The following SLC14A2 variants were observed in gnomAD, a reference collection of about 807,000 sequenced individuals.
The protein encoded by SLC14A2 is urea transporter 2.
A neutral mutation model predicts 104.6 loss-of-function variants in SLC14A2; 91 were observed. The ratio of observed to expected loss-of-function variants is 0.87; its 90% CI spans 0.73 to 1.04. SLC14A2 has a LOEUF of 1.04. SLC14A2 is among the 50% of genes least tolerant of loss of function. The pLI is 0.00. For synonymous variants in SLC14A2, 476 were observed against 466.4 expected (o/e 1.02, Z -0.27); for missense variants, 1,189 against 1,156.0 (o/e 1.03, Z -0.41).
In SLC14A2 at chr18:45,640,275, TA is replaced by T. The variant is rs879699022; in HGVS notation, c.991+396del. ...TGGGAAATAGAGTGAGACTCCGTCT[TA>T]AAAAAAAAAAAAATACATGTGGAGA... On this transcript the variant is annotated intron_variant, in intron 7 of 19. Coordinates refer to ENST00000255226, the MANE Select transcript of SLC14A2 (RefSeq NM_007163.4). Among the ~76,000 whole-genome samples the T allele has an allele frequency of 7.7e-3, 1,081 of 140,344 alleles. 9 individuals carry two copies. The highest frequency in any genetic ancestry group is 0.015 in the African/African-American group (569 of 38,320). The allele number at this position is 140,344 out of a possible 152,430, so 92.1% of individuals were successfully genotyped here. A position where few individuals can be genotyped will look rare whatever the true frequency, so the allele number is the denominator to read the frequency against.
At chr18:45,576,271 G>GTTTT (rs2044417251) in intron 2 of SLC14A2, among the ~76,000 whole-genome samples, 1 of 95,994 alleles carries the variant, frequency 1.0e-5, no homozygotes, top group Non-Finnish European at 2.3e-5. Flanking sequence ...TGGAGCAGGG[G>GTTTT]CTTTTTTTTT....
intron 2 of SLC14A2, among the ~76,000 whole-genome samples, chr18:45,602,500 C>T (rs1473927299): frequency 6.6e-6 from 1 of 152,182 alleles, no homozygotes; most frequent in Non-Finnish European, 1.5e-5. Flanking sequence ...GCTCTGGCCT[C>T]ACCCCAAGGG....
the SLC14A2 span, among the ~76,000 whole-genome samples, chr18:45,188,206 A>G: frequency 6.6e-6 from 1 of 152,176 alleles, no homozygotes; most frequent in African/African-American, 2.4e-5. Flanking sequence ...ATATAGTTTG[A>G]AGGAAGTATA....
At chr18:45,330,719 T>C (rs2085281693) in intron 1 of SLC14A2, among the ~76,000 whole-genome samples, 1 of 152,164 alleles carries the variant, frequency 6.6e-6, no homozygotes, top group African/African-American at 2.4e-5. Flanking sequence ...ACGCTGTCCC[T>C]CGGGCCATTT....
chr18:45,638,470 T>G (rs1014822077), intron 6 of SLC14A2, among the ~76,000 whole-genome samples: 5 of 152,170 alleles, frequency 3.3e-5, no homozygotes, highest in Non-Finnish European at 7.3e-5. Flanking sequence ...GAAACTAAAT[T>G]ATTCCCAACA....
intron 1 of SLC14A2, among the ~76,000 whole-genome samples, chr18:45,301,056 T>C (rs1179394492): frequency 1.3e-5 from 2 of 152,216 alleles, no homozygotes; most frequent in Non-Finnish European, 2.9e-5. Context: ...ACTTCCTATA[T>C]AAGCAGATCG....
At chr18:45,489,696 C>T (rs1258434672) in intron 2 of SLC14A2, among the ~76,000 whole-genome samples, 1 of 152,070 alleles carries the variant, frequency 6.6e-6, no homozygotes, top group Non-Finnish European at 1.5e-5. Flanking sequence ...ATAATTCTAC[C>T]CTGAACAGAA....
At chr18:45,185,628 TAA>T in the SLC14A2 span, among the ~76,000 whole-genome samples, 1 of 152,130 alleles carries the variant, frequency 6.6e-6, no homozygotes, top group Non-Finnish European at 1.5e-5. Flanking sequence ...AACATTGTCC[TAA>T]AAGTTCTAGC....
the SLC14A2 span, among the ~76,000 whole-genome samples, chr18:45,184,767 T>C: frequency 2.7e-3 from 412 of 152,308 alleles, 4 homozygotes; most frequent in African/African-American, 9.4e-3. Flanking sequence ...CAATAAAAAA[T>C]AGTATTGTTT....
At chr18:45,188,651 C>T in the SLC14A2 span, among the ~76,000 whole-genome samples, 1 of 152,152 alleles carries the variant, frequency 6.6e-6, no homozygotes, top group East Asian at 1.9e-4. Flanking sequence ...CCCAGATTTT[C>T]CTGCTCCTGA....
chr18:45,363,158 A>T (rs1303567514), intron 1 of SLC14A2, among the ~76,000 whole-genome samples: 1 of 152,094 alleles, frequency 6.6e-6, no homozygotes, highest in African/African-American at 2.4e-5. Flanking sequence ...AATACCTTGA[A>T]TAGTCCCTTT....
chr18:45,627,147 G>C lies in SLC14A2; in HGVS notation c.521G>C (p.Arg174Thr), dbSNP rs750569942. 23 of 1,613,608 alleles carry C rather than the reference G, an allele frequency of 1.4e-5. No homozygotes were observed. Among genetic ancestry groups the C allele is most frequent in the Non-Finnish European group, 8.5e-6 (10 of 1,179,658 alleles). Residue 174 changes from arginine to threonine, a missense_variant and splice_region_variant, in exon 4 of 20, where the codon AGG (arginine) becomes ACG (threonine). By Grantham distance (71) the Arg-to-Thr change is moderately conservative. Coordinates refer to ENST00000255226, the MANE Select transcript of SLC14A2 (RefSeq NM_007163.4). The stretch of plus-strand genomic sequence containing the variant: ...ACAGCTCTCGCCTTGGGCCAAGACA[G>C]GTGGGTCCCTCTCTATAGGGATTTT... ...TLTALALGQD[R>T]SAIASGLHGY...
rs115103425 is a variant in SLC14A2, at chr18:45,335,145, G to T, written c.-125+121954G>T. On this transcript the variant is annotated intron_variant, in intron 1 of 20. Transcript: ENST00000586448. The stretch of plus-strand genomic sequence containing the variant: ...CCCCCAAATTATCTTATGCCCCTTT[G>T]TCATCCCTCCTTTCCATCCTTCCTA... 5.4e-3 allele frequency among the ~76,000 whole-genome samples: 819 copies of T among 151,952 alleles called. 4 individuals are homozygous for T. The highest frequency in any genetic ancestry group is 0.019 in the African/African-American group (777 of 41,420).
chr18:45,594,536 C>T (rs2044695633), intron 2 of SLC14A2, among the ~76,000 whole-genome samples: 1 of 152,144 alleles, frequency 6.6e-6, no homozygotes, highest in South Asian at 2.1e-4. Context: ...CCCCTCCTCT[C>T]CTTTCTCTCC....
intron 1 of SLC14A2, among the ~76,000 whole-genome samples, chr18:45,416,983 A>C (rs2086284616): frequency 6.6e-6 from 1 of 152,206 alleles, no homozygotes; most frequent in Non-Finnish European, 1.5e-5. Flanking sequence ...GTGTACACAC[A>C]TGTGGTACTT....
chr18:45,255,145 T>C (rs1329444358), intron 1 of SLC14A2, among the ~76,000 whole-genome samples: 7 of 152,202 alleles, frequency 4.6e-5, no homozygotes, highest in Non-Finnish European at 5.9e-5. Flanking sequence ...GAACACACTG[T>C]GCTACCCTTT....
At chr18:45,473,082 G>C (rs1234721451) in intron 1 of SLC14A2, among the ~76,000 whole-genome samples, 1 of 152,162 alleles carries the variant, frequency 6.6e-6, no homozygotes, top group Non-Finnish European at 1.5e-5. Flanking sequence ...TCCAGGTTCA[G>C]TTTTCTGCAT....
At chr18:45,177,743 G>A in the SLC14A2 span, among the ~76,000 whole-genome samples, 1 of 152,150 alleles carries the variant, frequency 6.6e-6, no homozygotes, top group African/African-American at 2.4e-5. Context: ...CCTGAGACAT[G>A]AGATCAGATC....
chr18:45,258,702 G>A (rs1418063088), intron 1 of SLC14A2, among the ~76,000 whole-genome samples: 2 of 143,134 alleles, frequency 1.4e-5, no homozygotes, highest in African/African-American at 5.5e-5. Flanking sequence ...TTATTTTCCA[G>A]TAACGTCATC....
Sources: gnomAD v4.1 joint callset for allele counts (sites outside exome capture counted in the v4.1 genomes callset) on GRCh38, gnomAD v4.1.1 for gene constraint, MANE v1.5 for transcripts, NCBI Gene and HGNC (gene_info 2026-07-23, HGNC 2026-07-21) for gene names.